NAF1: variants seen among roughly 807,000 people sequenced by gnomAD.
NAF1 encodes H/ACA ribonucleoprotein complex non-core subunit NAF1.
In NAF1, 11 loss-of-function variants were observed where a neutral mutation model predicts 40.6. The observed-to-expected ratio is 0.27, with a 90% CI of 0.17 to 0.45. The LOEUF (loss-of-function observed/expected upper bound fraction) is 0.45. NAF1 is among the 20% of genes least tolerant of loss of function. The pLI, the probability that NAF1 is intolerant of heterozygous loss-of-function variation, is 1.00. For synonymous variants in NAF1, 260 were observed against 228.5 expected (o/e 1.14, Z -1.24); for missense variants, 607 against 611.1 (o/e 0.99, Z 0.07).
chr4:163,139,145 G>A (rs1281779566), intron 5 of NAF1, among the ~76,000 whole-genome samples: 1 of 152,052 alleles, frequency 6.6e-6, no homozygotes, highest in Non-Finnish European at 1.5e-5. Flanking sequence ...CATGTAAGTG[G>A]TATAAGTAAT....
chr4:163,164,449 T>C, intron 1 of NAF1, 58 bp from the exon 2 acceptor site: 1 of 1,195,340 alleles, frequency 8.4e-7, no homozygotes, highest in South Asian at 1.9e-5. Context: ...AATATTAAAA[T>C]AAGATTATTC....
intron 2 of NAF1, among the ~76,000 whole-genome samples, chr4:163,156,055 T>C (rs1731973475): frequency 8.1e-6 from 1 of 123,260 alleles, no homozygotes; most frequent in South Asian, 3.5e-4. Flanking sequence ...GATTAAAGTA[T>C]CTGCCTGGAT....
chr4:163,120,901 A>T (rs1343059934), intron 2 of NAF1, among the ~76,000 whole-genome samples: 1 of 151,686 alleles, frequency 6.6e-6, no homozygotes. Flanking sequence ...TGATTTATTT[A>T]TTTTTTTTGA....
intron 2 of NAF1, among the ~76,000 whole-genome samples, chr4:163,151,172 C>T (rs1731686702): frequency 6.6e-6 from 1 of 151,824 alleles, no homozygotes; most frequent in African/African-American, 2.4e-5. Context: ...AATATCCACT[C>T]CCTTACCCCA....
At chr4:163,114,557 G>A (rs188781031) in intron 2 of NAF1, among the ~76,000 whole-genome samples, 10 of 152,256 alleles carry the variant, frequency 6.6e-5, no homozygotes, top group East Asian at 5.8e-4. Context: ...AACCAATCTC[G>A]TATTCCTGGA....
At chr4:163,155,320 A>G (rs2111021571) in intron 2 of NAF1, among the ~76,000 whole-genome samples, 1 of 152,282 alleles carries the variant, frequency 6.6e-6, no homozygotes, top group East Asian at 1.9e-4. Flanking sequence ...CCCAATCATA[A>G]CGAGGACCCA....
intron 2 of NAF1, among the ~76,000 whole-genome samples, chr4:163,162,650 A>G (rs1341295068): frequency 6.6e-6 from 1 of 152,200 alleles, no homozygotes; most frequent in Non-Finnish European, 1.5e-5. Context: ...ACACTATGAG[A>G]GCAGAAACTG....
intron 7 of NAF1, among the ~76,000 whole-genome samples, chr4:163,130,720 A>G (rs899853303): frequency 2.2e-4 from 34 of 152,260 alleles, no homozygotes; most frequent in Admixed American, 2.1e-3. Context: ...TGGGGCTGGA[A>G]CACCTGGACA....
chr4:163,114,298 G>T (rs1388836525), intron 2 of NAF1, among the ~76,000 whole-genome samples: 1 of 152,234 alleles, frequency 6.6e-6, no homozygotes, highest in Non-Finnish European at 1.5e-5. Context: ...GGCAGAGCTA[G>T]AAGCTAGAGC....
chr4:163,113,235 C>A (rs1235219837), intron 2 of NAF1, among the ~76,000 whole-genome samples: 1 of 152,122 alleles, frequency 6.6e-6, no homozygotes, highest in African/African-American at 2.4e-5. Flanking sequence ...TATCACAAAG[C>A]GATCCCCCTT....
chr4:163,105,684 C>T (rs926685258), downstream of NAF1, among the ~76,000 whole-genome samples: 1 of 152,136 alleles, frequency 6.6e-6, no homozygotes, highest in African/African-American at 2.4e-5. Context: ...AATAGAATGC[C>T]TATTTAACTC....
chr4:163,128,904 T>C lies in NAF1; in HGVS notation c.1478A>G (p.Tyr493Cys). The C allele has an allele frequency of 4.0e-6, 6 of 1,491,266 alleles. No homozygotes were observed. Among genetic ancestry groups the C allele is most frequent in the Non-Finnish European group, 3.6e-6 (4 of 1,125,860 alleles). The allele number at this position is 1,491,266 out of a possible 1,614,324, so 92.4% of individuals were successfully genotyped here. ...SGDSNSHFGP[Y>C]Y is the part of the protein sequence containing the mutation. Reference sequence around the variant, plus strand: ...CTGGAAATGCATAGTCACCTAATAGTAAGGTCCAAAATGAGAATTACTATC... The same window carrying C: ...CTGGAAATGCATAGTCACCTAATAGCAAGGTCCAAAATGAGAATTACTATC... The change falls in exon 8 of 8, where the codon TAC becomes TGC. Residue 493 changes from tyrosine (Y) to cysteine (C), a missense_variant. Transcript: ENST00000274054.
chr4:163,109,338 ATT>A (rs1730102140), downstream of NAF1, among the ~76,000 whole-genome samples: 1 of 152,062 alleles, frequency 6.6e-6, no homozygotes, highest in South Asian at 2.1e-4. Flanking sequence ...TATACCATAA[ATT>A]CTCTCAAATG....
At chr4:163,154,901 A>AC (rs949907597) in intron 2 of NAF1, among the ~76,000 whole-genome samples, 3 of 152,018 alleles carry the variant, frequency 2.0e-5, no homozygotes, top group East Asian at 1.9e-4. Flanking sequence ...AAAAAAAAAA[A>AC]AACAGAGCGA....
chr4:163,153,996 T>C (rs1460337625), intron 2 of NAF1, among the ~76,000 whole-genome samples: 2 of 151,646 alleles, frequency 1.3e-5, no homozygotes, highest in Non-Finnish European at 2.9e-5. Flanking sequence ...ACTCCAGACA[T>C]GCCGCCTTAA....
chr4:163,166,102 C>A (rs1395056780), intron 1 of NAF1, among the ~76,000 whole-genome samples: 1 of 152,122 alleles, frequency 6.6e-6, no homozygotes, highest in Admixed American at 6.5e-5. Flanking sequence ...AAAAATGATA[C>A]GATCTATACA....
intron 3 of NAF1, among the ~76,000 whole-genome samples, chr4:163,146,377 C>T (rs1731470142): frequency 6.6e-6 from 1 of 152,152 alleles, no homozygotes; most frequent in Non-Finnish European, 1.5e-5. Flanking sequence ...TAATTTTTAT[C>T]ATTACATGAA....
At chr4:163,160,973 T>C (rs1456924203) in intron 2 of NAF1, among the ~76,000 whole-genome samples, 3 of 149,002 alleles carry the variant, frequency 2.0e-5, no homozygotes, top group Non-Finnish European at 3.0e-5. Context: ...CTAGGAATAG[T>C]TGTGGAGAGG....
the NAF1 span, among the ~76,000 whole-genome samples, chr4:163,104,659 T>C: frequency 6.6e-6 from 1 of 152,222 alleles, no homozygotes; most frequent in African/African-American, 2.4e-5. Context: ...CTGAACTCAC[T>C]AATTAGCCGG....
Sources: allele counts gnomAD v4.1 joint callset (sites outside exome capture counted in the v4.1 genomes callset), GRCh38; gene constraint gnomAD v4.1.1; transcripts MANE v1.5; gene names NCBI Gene and HGNC (gene_info 2026-07-23, HGNC 2026-07-21).